Variants in SLC24A2 observed in about 807,000 individuals in gnomAD.
SLC24A2 encodes sodium/potassium/calcium exchanger 2.
In SLC24A2, 36 loss-of-function variants were observed where a neutral mutation model predicts 62.0. The observed-to-expected ratio is 0.58, with a 90% CI of 0.44 to 0.77. SLC24A2 has a LOEUF of 0.77. SLC24A2 is among the 30% of genes least tolerant of loss of function. SLC24A2 has a pLI of 0.00. For missense variants in SLC24A2, 846 were observed against 817.9 expected (o/e 1.03, Z -0.42); for synonymous variants, 358 against 294.0 (o/e 1.22, Z -2.23).
the SLC24A2 span, among the ~76,000 whole-genome samples, chr9:19,868,961 A>G: frequency 6.6e-6 from 1 of 151,964 alleles, no homozygotes; most frequent in South Asian, 2.1e-4. Flanking sequence ...TTCATGCACA[A>G]TTAATGTAGT....
At chr9:19,797,231 T>C in the SLC24A2 span, among the ~76,000 whole-genome samples, 4 of 152,240 alleles carry the variant, frequency 2.6e-5, no homozygotes, top group South Asian at 8.3e-4. Context: ...CATTACTTTA[T>C]GTTGAATGCC....
At chr9:20,065,813 G>C in the SLC24A2 span, among the ~76,000 whole-genome samples, 1 of 152,188 alleles carries the variant, frequency 6.6e-6, no homozygotes, top group African/African-American at 2.4e-5. Context: ...ATCATGTTTA[G>C]ATAGTTTAAA....
chr9:19,515,931 T>A lies in SLC24A2; in HGVS notation c.*222A>T, dbSNP rs914701883. 1.1e-4 allele frequency: 62 copies of A among 583,340 alleles called. No individual in the cohort carries two copies. The highest frequency in any genetic ancestry group is 1.0e-3 in the African/African-American group (55 of 53,904). The allele number at this position is 583,340 out of a possible 1,614,324, so 36.1% of individuals were successfully genotyped here. On this transcript the variant is annotated 3_prime_UTR_variant, in exon 11 of 11. Transcript: ENST00000341998. ...TAGGGAGAAGCCCTGTATTGACGGTTCTCTTTGTCTTTTACATGAAGTCAT... is the reference window on the plus strand; with the variant it reads ...TAGGGAGAAGCCCTGTATTGACGGTACTCTTTGTCTTTTACATGAAGTCAT...
At chr9:19,529,461 T>C (rs1273951840) in intron 8 of SLC24A2, among the ~76,000 whole-genome samples, 2 of 152,234 alleles carry the variant, frequency 1.3e-5, no homozygotes, top group African/African-American at 4.8e-5. Flanking sequence ...TGCATGGTTC[T>C]GTTAAATTTT....
At chr9:20,122,000 G>T in the SLC24A2 span, among the ~76,000 whole-genome samples, 1 of 152,174 alleles carries the variant, frequency 6.6e-6, no homozygotes, top group Non-Finnish European at 1.5e-5. Context: ...TGCTAATGCA[G>T]CATTCCAAGG....
chr9:19,959,280 G>A, the SLC24A2 span, among the ~76,000 whole-genome samples: 1 of 152,178 alleles, frequency 6.6e-6, no homozygotes, highest in East Asian at 1.9e-4. Context: ...CATGCAGAGA[G>A]AAAGAACCAA....
intron 5 of SLC24A2, among the ~76,000 whole-genome samples, chr9:19,580,147 C>T (rs931890663): frequency 1.2e-4 from 18 of 152,352 alleles, no homozygotes; most frequent in African/African-American, 4.1e-4. Context: ...AGCAGCAAGG[C>T]TGCTTGGGAG....
At chr9:19,655,838 T>G (rs1196901632) in intron 2 of SLC24A2, among the ~76,000 whole-genome samples, 1 of 152,276 alleles carries the variant, frequency 6.6e-6, no homozygotes, top group East Asian at 1.9e-4. Flanking sequence ...CTGGCTGGAC[T>G]CAGTGGCAGA....
the SLC24A2 span, among the ~76,000 whole-genome samples, chr9:19,879,076 T>C: frequency 6.6e-6 from 1 of 152,242 alleles, no homozygotes; most frequent in African/African-American, 2.4e-5. Context: ...CTCAGTCTGC[T>C]AATCTTTATT....
chr9:19,558,491 C>G (rs888253370), intron 7 of SLC24A2, among the ~76,000 whole-genome samples: 3 of 152,292 alleles, frequency 2.0e-5, no homozygotes, highest in Non-Finnish European at 4.4e-5. Flanking sequence ...ATTTTATGTG[C>G]ACTTCATTGC....
At chr9:19,542,018 G>A (rs553119799) in intron 8 of SLC24A2, among the ~76,000 whole-genome samples, 31 of 152,306 alleles carry the variant, frequency 2.0e-4, no homozygotes, top group African/African-American at 7.5e-4. Flanking sequence ...GGAACTCCCT[G>A]ACCCTTGCGC....
chr9:20,107,162 G>C, the SLC24A2 span, among the ~76,000 whole-genome samples: 2 of 152,138 alleles, frequency 1.3e-5, no homozygotes, highest in South Asian at 2.1e-4. Flanking sequence ...TCTTCAAGGA[G>C]AACTACAAAC....
At chr9:20,135,967 A>G in the SLC24A2 span, among the ~76,000 whole-genome samples, 202 of 152,198 alleles carry the variant, frequency 1.3e-3, 1 homozygote, top group South Asian at 0.016. Context: ...CACTCAACAA[A>G]CATTTACTGA....
At chr9:19,703,728 G>A (rs554129393) in intron 2 of SLC24A2, among the ~76,000 whole-genome samples, 8 of 152,214 alleles carry the variant, frequency 5.3e-5, no homozygotes, top group African/African-American at 1.7e-4. Context: ...AAATATCAAA[G>A]CTCTGTCTTG....
chr9:19,679,838 CTGTGTGTGTGTGTGTGTGTGTG>C (rs58253967), intron 2 of SLC24A2, among the ~76,000 whole-genome samples: 6 of 142,490 alleles, frequency 4.2e-5, no homozygotes, highest in East Asian at 2.1e-4. Context: ...CTCACATATA[CTGTGTGTGTGTGTGTGTGTGTG>C]TGTGTGTGTG....
At chr9:19,839,058 A>G in the SLC24A2 span, among the ~76,000 whole-genome samples, 1 of 152,212 alleles carries the variant, frequency 6.6e-6, no homozygotes, top group African/African-American at 2.4e-5. Flanking sequence ...AAAACAAACA[A>G]CACCATCAAA....
At chr9:19,524,193 A>ATGC (rs1776609044) in intron 9 of SLC24A2, among the ~76,000 whole-genome samples, 2 of 149,676 alleles carry the variant, frequency 1.3e-5, no homozygotes, top group South Asian at 4.3e-4. Flanking sequence ...GCCAAACTCC[A>ATGC]TGCTGCTCCC....
the SLC24A2 span, among the ~76,000 whole-genome samples, chr9:20,275,097 T>C: frequency 2.6e-5 from 4 of 151,980 alleles, no homozygotes; most frequent in African/African-American, 4.8e-5. Flanking sequence ...ACACAGCCAG[T>C]AGGATTCCCC....
intron 2 of SLC24A2, among the ~76,000 whole-genome samples, chr9:19,688,898 G>C (rs1819963022): frequency 6.6e-6 from 1 of 151,966 alleles, no homozygotes; most frequent in Non-Finnish European, 1.5e-5. Context: ...AGCTCAAATT[G>C]TTATTGAGTA....
Sources: allele counts gnomAD v4.1 joint callset (sites outside exome capture counted in the v4.1 genomes callset), GRCh38; gene constraint gnomAD v4.1.1; transcripts MANE v1.5; gene names NCBI Gene and HGNC (gene_info 2026-07-23, HGNC 2026-07-21).